Variants in ACTR3B observed in about 807,000 individuals in gnomAD.
ACTR3B encodes actin related protein 3B.
Under a neutral mutation model 59.0 loss-of-function variants are expected in ACTR3B, and 8 were observed. The ratio of observed to expected loss-of-function variants is 0.14; its 90% CI spans 0.08 to 0.24. ACTR3B has a LOEUF of 0.24. ACTR3B is among the 10% of genes least tolerant of loss of function. The pLI is 1.00. For synonymous variants in ACTR3B, 148 were observed against 197.9 expected (o/e 0.75, Z 2.12); for missense variants, 245 against 552.3 (o/e 0.44, Z 5.58).
rs535463119 is a variant in ACTR3B, at chr7:152,781,284, A to AT, written c.45-1893dup. ...GAGATTGTAGGAGATGATATCTGTGATTTTTTTTTTCTGGTTCCATCAGAT... is the reference window on the plus strand; with the variant it reads ...GAGATTGTAGGAGATGATATCTGTGATTTTTTTTTTTCTGGTTCCATCAGAT... On this transcript the variant is annotated intron_variant, in intron 1 of 11. Coordinates refer to ENST00000256001, the MANE Select transcript of ACTR3B (RefSeq NM_020445.6). 7.2e-3 allele frequency among the ~76,000 whole-genome samples: 817 copies of AT among 114,082 alleles called. 3 individuals carry two copies. The highest frequency in any genetic ancestry group is 0.016 in the Middle Eastern group (2 of 126). 74.8% of individuals were successfully genotyped at this position (114,082 alleles called of 152,430 possible).
Position 152,780,030 on chromosome 7 carries a change from G to T in ACTR3B, c.45-3157G>T, listed in dbSNP as rs1332426624. ...AAATAACGTCAGTTCTGCTAGGAGG[G>T]TAAGGATCTCATAGTAAGTTGTTAA... On this transcript the variant is annotated intron_variant, in intron 1 of 11. Transcript: ENST00000256001. Among the ~76,000 whole-genome samples the T allele has an allele frequency of 3.9e-5, 6 of 152,140 alleles. No homozygotes were observed. The East Asian group carries it at 1.2e-3, about 29-fold the overall frequency.
At chr7:152,763,801 T>C (rs2098098819) in intron 1 of ACTR3B, among the ~76,000 whole-genome samples, 1 of 152,180 alleles carries the variant, frequency 6.6e-6, no homozygotes, top group Admixed American at 6.5e-5. Flanking sequence ...TTATTCTGTC[T>C]CCATTTATTA....
At chr7:152,817,423 AT>A (rs758689177) in intron 6 of ACTR3B, among the ~76,000 whole-genome samples, 1 of 152,100 alleles carries the variant, frequency 6.6e-6, no homozygotes, top group Non-Finnish European at 1.5e-5. Context: ...GAGATTGTAC[AT>A]TTTGGCTTGC....
chr7:152,833,768 A>G (rs965424251), intron 9 of ACTR3B, among the ~76,000 whole-genome samples: 2 of 152,172 alleles, frequency 1.3e-5, no homozygotes, highest in South Asian at 2.1e-4. Context: ...TTATAATGGT[A>G]TGTGCTGTGA....
chr7:152,818,632 A>G (rs975168271), intron 6 of ACTR3B, among the ~76,000 whole-genome samples: 1 of 152,224 alleles, frequency 6.6e-6, no homozygotes, highest in African/African-American at 2.4e-5. Flanking sequence ...TATTTTTAGT[A>G]GAGATGGGGT....
At chr7:152,846,773 G>A (rs1216963638) in intron 9 of ACTR3B, among the ~76,000 whole-genome samples, 1 of 148,844 alleles carries the variant, frequency 6.7e-6, no homozygotes, top group Admixed American at 6.7e-5. Context: ...TAGTGCCCGG[G>A]GCTGTAGTCT....
chr7:152,843,372 A>G (rs915821958), intron 9 of ACTR3B, among the ~76,000 whole-genome samples: 3 of 152,240 alleles, frequency 2.0e-5, no homozygotes, highest in Admixed American at 1.3e-4. Context: ...ATGAAATGAG[A>G]AAGTAAATAA....
chr7:152,778,008 T>G (rs960694251), intron 1 of ACTR3B, among the ~76,000 whole-genome samples: 1 of 152,058 alleles, frequency 6.6e-6, no homozygotes, highest in Non-Finnish European at 1.5e-5. Context: ...TCCTTTTCAT[T>G]TACTCTTTTC....
At chr7:152,774,019 C>T (rs1770727656) in intron 1 of ACTR3B, among the ~76,000 whole-genome samples, 2 of 152,202 alleles carry the variant, frequency 1.3e-5, no homozygotes, top group South Asian at 4.1e-4. Context: ...CCCCTGCTGT[C>T]TTTCTTATAT....
At chr7:152,789,497 A>G (rs556507147) in intron 2 of ACTR3B, among the ~76,000 whole-genome samples, 3 of 149,472 alleles carry the variant, frequency 2.0e-5, no homozygotes, top group South Asian at 2.1e-4. Flanking sequence ...TAAAAATTCT[A>G]TTTTCTAATT....
At chr7:152,811,929 T>G (rs1329638856) in intron 4 of ACTR3B, 2 of 142,236 alleles carry the variant, frequency 1.4e-5, no homozygotes, top group East Asian at 2.1e-4. Flanking sequence ...CTCTCCTTCT[T>G]TCCTTGTGCA....
intron 1 of ACTR3B, among the ~76,000 whole-genome samples, chr7:152,764,514 G>A (rs1187778783): frequency 6.6e-6 from 1 of 151,882 alleles, no homozygotes; most frequent in Non-Finnish European, 1.5e-5. Flanking sequence ...CACACTGGTG[G>A]GCTAATTTTA....
rs572231233 is a variant in ACTR3B, at chr7:152,815,330, G to C, written c.432+685G>C. Among the ~76,000 whole-genome samples the C allele has an allele frequency of 1.4e-4, 21 of 152,266 alleles. No individual in the cohort carries two copies. In the East Asian group the frequency reaches 1.5e-3, roughly 11 times the overall value. ...CACAGCGCCTATCAGCACAGTCCAG[G>C]CTCTGAGGATTCCTGTGTCGAAATC... is the stretch of plus-strand genomic sequence containing the variant. On this transcript the variant is annotated intron_variant, in intron 5 of 11. Transcript: ENST00000256001.
intron 9 of ACTR3B, among the ~76,000 whole-genome samples, chr7:152,842,366 C>T (rs1410521665): frequency 3.3e-5 from 5 of 152,180 alleles, no homozygotes; most frequent in African/African-American, 7.2e-5. Context: ...AGAAGAGACT[C>T]GTGCCCTAAG....
At chr7:152,845,692 G>A (rs993475829) in intron 9 of ACTR3B, among the ~76,000 whole-genome samples, 5 of 152,182 alleles carry the variant, frequency 3.3e-5, no homozygotes, top group African/African-American at 9.7e-5. Flanking sequence ...GGGCCTGCTC[G>A]TGGGGTGGTG....
intron 7 of ACTR3B, 108 bp from the exon 8 acceptor site, chr7:152,823,234 G>C (rs1341516699): frequency 1.8e-5 from 27 of 1,498,154 alleles, no homozygotes; most frequent in Non-Finnish European, 2.3e-5. Flanking sequence ...GGTGGGGGCG[G>C]TTCTGATCCC....
At chr7:152,785,481 G>GAGACAGAGAC (rs1554434198) in intron 2 of ACTR3B, among the ~76,000 whole-genome samples, 1 of 13,654 alleles carries the variant, frequency 7.3e-5, no homozygotes, top group Non-Finnish European at 1.1e-4. Context: ...GAGGGAGAGA[G>GAGACAGAGAC]AGAGAGAGAG....
intron 9 of ACTR3B, among the ~76,000 whole-genome samples, chr7:152,834,472 A>C (rs1442583286): frequency 1.3e-5 from 2 of 152,226 alleles, no homozygotes; most frequent in Non-Finnish European, 2.9e-5. Context: ...TTATGTTATT[A>C]CTTCATCTTT....
intron 4 of ACTR3B, chr7:152,814,142 T>C (rs1795497022): frequency 6.4e-6 from 1 of 157,324 alleles, no homozygotes; most frequent in Admixed American, 1.3e-4. Context: ...TTGCTGCTGC[T>C]CCTCTGGCTC....
Sources: allele counts gnomAD v4.1 joint callset (sites outside exome capture counted in the v4.1 genomes callset), GRCh38; gene constraint gnomAD v4.1.1; transcripts MANE v1.5; gene names NCBI Gene and HGNC (gene_info 2026-07-23, HGNC 2026-07-21).